Variants in SPTB observed in about 807,000 individuals in gnomAD.
The protein encoded by SPTB is spectrin beta chain, erythrocytic.
Under a neutral mutation model 256.2 loss-of-function variants are expected in SPTB, and 45 were observed. That is an observed-to-expected ratio of 0.18 (90% CI 0.14 to 0.23). The LOEUF is 0.23. SPTB is among the 10% of genes least tolerant of loss of function. The pLI is 1.00. For missense variants in SPTB, 2,715 were observed against 3,040.4 expected, an observed-to-expected ratio of 0.89 and a Z score of 2.52; for synonymous variants, 1,231 against 1,243.1, an observed-to-expected ratio of 0.99 and a Z score of 0.21.
In SPTB at chr14:64,747,377, C is replaced by T. The variant is rs188228003; in HGVS notation, c.*1929G>A. On this transcript the variant is annotated 3_prime_UTR_variant, in exon 36 of 36. Coordinates refer to ENST00000644917, the MANE Select transcript of SPTB (RefSeq NM_001355436.2). The stretch of plus-strand genomic sequence containing the variant: ...TATTGCTAGGTGAGTGCAGTCACCT[C>T]ACTGCCTTGGTTTCCCCAGATACAG... The T allele has an allele frequency of 1.3e-5, 2 of 152,830 alleles. No homozygotes were observed. Among genetic ancestry groups the T allele is most frequent in the African/African-American group, 4.8e-5 (2 of 41,590 alleles). 9.5% of individuals were successfully genotyped at this position (152,830 alleles called of 1,614,324 possible). A position where few individuals can be genotyped will look rare whatever the true frequency, so the allele number is the denominator to read the frequency against.
chr14:64,797,501 A>AAAT, intron 10 of SPTB, among the ~76,000 whole-genome samples: 1 of 116,730 alleles, frequency 8.6e-6, no homozygotes, highest in Non-Finnish European at 1.7e-5. Flanking sequence ...AAAAAAAAAA[A>AAAT]AGGACTCAGG....
Position 64,767,791 on chromosome 14 carries a change from A to G in SPTB, c.6091T>C (p.Tyr2031His). 6.2e-7 allele frequency: 1 copy of G among 1,614,136 alleles called. No individual in the cohort carries two copies. Among genetic ancestry groups the G allele is most frequent in the Non-Finnish European group, 8.5e-7 (1 of 1,180,016 alleles). Reference protein sequence around the residue: ...AEAWLIAQEPYLASGDFGHTV... With the variant: ...AEAWLIAQEPHLASGDFGHTV... ...TGTCCAAAGTCCCCGCTGGCCAGGT[A>G]GGGCTCCTGGGCAATCAGCCACGCC... is the stretch of plus-strand genomic sequence containing the variant. The change falls in exon 30 of 36, where the codon TAC becomes CAC. Residue 2031 changes from tyrosine to histidine, a missense_variant. Tyr to His is a moderately conservative substitution (Grantham distance 83, BLOSUM62 2). Transcript: ENST00000644917.
intron 1 of SPTB, among the ~76,000 whole-genome samples, chr14:64,872,006 A>G (rs1292865938): frequency 6.6e-6 from 1 of 152,236 alleles, no homozygotes; most frequent in Non-Finnish European, 1.5e-5. Flanking sequence ...AAGTAACAGT[A>G]CAAAGTACAC....
chr14:64,833,681 C>T (rs1333663949), intron 1 of SPTB, among the ~76,000 whole-genome samples: 1 of 152,194 alleles, frequency 6.6e-6, no homozygotes, highest in East Asian at 1.9e-4. Flanking sequence ...CATACTGTAG[C>T]ATCATAATCT....
chr14:64,795,198 T>C lies in SPTB; in HGVS notation c.1644+139A>G, dbSNP rs557323345. 43 of 1,016,476 alleles carry C rather than the reference T, an allele frequency of 4.2e-5. No individual in the cohort carries two copies. In the East Asian group the frequency reaches 1.0e-3, roughly 24 times the overall value. The allele number at this position is 1,016,476 out of a possible 1,614,324, so 63.0% of individuals were successfully genotyped here. Reference sequence around the variant, plus strand: ...AGAGAGGCAGGTGCAGCTAGACACTTTGCTGCCTCAGTTTCTCTATTTTGA... The same window carrying C: ...AGAGAGGCAGGTGCAGCTAGACACTCTGCTGCCTCAGTTTCTCTATTTTGA... On this transcript the variant is annotated intron_variant, in intron 12 of 35. Transcript: ENST00000644917. The surrounding 1 kb of genome is among the most constrained non-coding windows in gnomAD (Gnocchi z 6.5).
intron 18 of SPTB, among the ~76,000 whole-genome samples, chr14:64,784,944 T>G (rs1221040840): frequency 6.6e-6 from 1 of 152,200 alleles, no homozygotes; most frequent in Admixed American, 6.5e-5. Flanking sequence ...ACCTTCCTTG[T>G]ACAGCTGGTC....
Position 64,786,655 on chromosome 14 carries a change from C to T in SPTB, c.3310G>A (p.Ala1104Thr). The T allele has an allele frequency of 6.2e-7, 1 of 1,614,134 alleles. No individual in the cohort carries two copies. Among genetic ancestry groups the T allele is most frequent in the Non-Finnish European group, 8.5e-7 (1 of 1,179,978 alleles). Residue 1104 changes from alanine (A) to threonine (T), a missense_variant, in exon 16 of 36, where the codon GCA becomes ACA. By Grantham distance (58) the Ala-to-Thr change is moderately conservative. This residue lies in a region of SPTB where 2,239 missense variants were observed against 2,384.4 expected (regional missense o/e 0.94). Transcript: ENST00000644917. This position sits in a 1 kb window ranked among gnomAD's most constrained non-coding sequence, Gnocchi z 5.6. Reference protein sequence around the residue: ...PEAEQLLQQHAGIKDEIDGHQ... With the variant: ...PEAEQLLQQHTGIKDEIDGHQ... ...CCGTCAATCTCATCCTTGATACCTGCATGCTGCTGCAGGAGCTGCTCAGCC... is the reference window on the plus strand; with the variant it reads ...CCGTCAATCTCATCCTTGATACCTGTATGCTGCTGCAGGAGCTGCTCAGCC...
chr14:64,874,874 T>C (rs1425927053), intron 1 of SPTB, among the ~76,000 whole-genome samples: 1 of 152,218 alleles, frequency 6.6e-6, no homozygotes, highest in Non-Finnish European at 1.5e-5. Context: ...TCTTTAGCTA[T>C]CAAGGTGCCG....
chr14:64,822,423 G>C (rs978650834), intron 2 of SPTB, among the ~76,000 whole-genome samples: 11 of 99,976 alleles, frequency 1.1e-4, no homozygotes, highest in Non-Finnish European at 1.9e-4. Flanking sequence ...TTATGAACCT[G>C]CTAAGCAAAA....
At chr14:64,750,221 G>T in intron 33 of SPTB, 67 bp from the exon 34 acceptor site, 1 of 1,511,164 alleles carries the variant, frequency 6.6e-7, no homozygotes, top group Non-Finnish European at 9.0e-7. Context: ...AATTCCTATA[G>T]CTTCACCATT....
intron 1 of SPTB, among the ~76,000 whole-genome samples, chr14:64,874,567 T>C (rs1409944024): frequency 1.3e-5 from 2 of 152,238 alleles, no homozygotes; most frequent in African/African-American, 4.8e-5. Context: ...TCTGGAAATA[T>C]ACTGGAAGAT....
At chr14:64,819,429 C>T (rs760414525) in intron 2 of SPTB, among the ~76,000 whole-genome samples, 1 of 152,214 alleles carries the variant, frequency 6.6e-6, no homozygotes, top group Non-Finnish European at 1.5e-5. Flanking sequence ...GAAACTGTCT[C>T]ATCTGGAAAA....
Position 64,786,040 on chromosome 14 carries a change from C to A in SPTB, c.3562-89G>T. The A allele has an allele frequency of 7.4e-7, 1 of 1,356,760 alleles. No homozygotes were observed. The highest frequency in any genetic ancestry group is 1.0e-6 in the Non-Finnish European group (1 of 957,656). 84.0% of individuals were successfully genotyped at this position (1,356,760 alleles called of 1,614,324 possible). A position where few individuals can be genotyped will look rare whatever the true frequency, so the allele number is the denominator to read the frequency against. ...CAAGTGGGAGCACCACGTGCAGCCA[C>A]ACAGGCCACGGTATGAATGAGCCCC... On this transcript the variant is annotated intron_variant, in intron 16 of 35. Transcript: ENST00000644917. The surrounding 1 kb of genome is among the most constrained non-coding windows in gnomAD (Gnocchi z 5.6).
rs72726215 is a variant in SPTB, at chr14:64,824,383, G to C, written c.-51-1238C>G. Among the ~76,000 whole-genome samples the C allele has an allele frequency of 0.033, 5,032 of 152,142 alleles. 133 individuals carry two copies. Among genetic ancestry groups the C allele is most frequent in the South Asian group, 0.14 (662 of 4,812 alleles). On this transcript the variant is annotated intron_variant, in intron 1 of 35. Transcript: ENST00000644917. The surrounding 1 kb of genome is among the most constrained non-coding windows in gnomAD (Gnocchi z 5.7). ...AACTTTAAGAAGTAACGGGAAGGCA[G>C]GGGTGGAGTCAGGGGAGAAAAGTGA... is the stretch of plus-strand genomic sequence containing the variant.
rs1049976016 is a variant in SPTB at position 64,760,531 on chromosome 14, C to T, written c.6345+6195G>A. Among the ~76,000 whole-genome samples, 1 of 152,172 alleles carries T rather than the reference C, an allele frequency of 6.6e-6. No individual in the cohort carries two copies. Among genetic ancestry groups the T allele is most frequent in the African/African-American group, 2.4e-5 (1 of 41,434 alleles). On this transcript the variant is annotated intron_variant, in intron 32 of 35. Coordinates refer to ENST00000644917, the MANE Select transcript of SPTB (RefSeq NM_001355436.2). This position sits in a 1 kb window ranked among gnomAD's most constrained non-coding sequence, Gnocchi z 4.3. Reference sequence around the variant, plus strand: ...CAAGGTCTTCTCTCTAAAGGTAACACCAGTGAGAACCAGGGCCTGAGGATG... The same window carrying T: ...CAAGGTCTTCTCTCTAAAGGTAACATCAGTGAGAACCAGGGCCTGAGGATG...
rs1050363179 is a variant in SPTB at position 64,785,092 on chromosome 14, C to G, written c.3855+445G>C. On this transcript the variant is annotated intron_variant, in intron 18 of 35. Coordinates refer to ENST00000644917, the MANE Select transcript of SPTB (RefSeq NM_001355436.2). The surrounding 1 kb of genome is among the most constrained non-coding windows in gnomAD (Gnocchi z 4.4). ...ACCCAGGGGTCTGCTTTAACTAGGACCAGGACTGGCTCCATAATTTGCAGG... is the reference window on the plus strand; with the variant it reads ...ACCCAGGGGTCTGCTTTAACTAGGAGCAGGACTGGCTCCATAATTTGCAGG... Among the ~76,000 whole-genome samples, 2 of 152,166 alleles carry G rather than the reference C, an allele frequency of 1.3e-5. No individual in the cohort carries two copies. The highest frequency in any genetic ancestry group is 1.5e-5 in the Non-Finnish European group (1 of 68,030).
chr14:64,781,348 T>C (rs1164164149), intron 20 of SPTB, among the ~76,000 whole-genome samples: 1 of 152,172 alleles, frequency 6.6e-6, no homozygotes, highest in African/African-American at 2.4e-5. Flanking sequence ...ATATCCTGCA[T>C]CTATAAGAAA....
chr14:64,814,884 C>A lies in SPTB; in HGVS notation c.148+8063G>T, dbSNP rs113705687. Reference sequence around the variant, plus strand: ...CAAGTTATTGTAGACCAGTTTAAATCAAAAAGTTTTTTTTTATTTTTGAAG... The same window carrying A: ...CAAGTTATTGTAGACCAGTTTAAATAAAAAAGTTTTTTTTTATTTTTGAAG... On this transcript the variant is annotated intron_variant, in intron 2 of 35. Coordinates refer to ENST00000644917, the MANE Select transcript of SPTB (RefSeq NM_001355436.2). 5.5e-3 allele frequency among the ~76,000 whole-genome samples: 831 copies of A among 152,218 alleles called. 6 individuals are homozygous for A. The highest frequency in any genetic ancestry group is 0.019 in the African/African-American group (779 of 41,516).
At chr14:64,875,370 A>G (rs1016075009) in intron 1 of SPTB, among the ~76,000 whole-genome samples, 19 of 152,368 alleles carry the variant, frequency 1.2e-4, no homozygotes, top group African/African-American at 4.3e-4. Context: ...TTGGCTGTGA[A>G]TTAAGAAATA....
Sources: allele counts gnomAD v4.1 joint callset (sites outside exome capture counted in the v4.1 genomes callset), GRCh38; gene constraint gnomAD v4.1.1; regional missense constraint gnomAD v4.1.1; non-coding constraint Gnocchi (gnomAD v3.1); transcripts MANE v1.5; gene names NCBI Gene and HGNC (gene_info 2026-07-23, HGNC 2026-07-21).